The following NELL1 variants were observed in gnomAD, a reference collection of about 807,000 sequenced individuals.
The protein encoded by NELL1 is protein kinase C-binding protein NELL1.
In NELL1, 76 loss-of-function variants were observed where a neutral mutation model predicts 107.4. The observed-to-expected ratio is 0.71, with a 90% CI of 0.59 to 0.86. The LOEUF (loss-of-function observed/expected upper bound fraction) is 0.86. Ranked by LOEUF, NELL1 falls within the 40% of genes least tolerant of loss-of-function variation. The pLI is 0.00. For synonymous variants in NELL1, 353 were observed against 341.2 expected (o/e 1.03, Z -0.38); for missense variants, 1,024 against 1,005.5 (o/e 1.02, Z -0.25).
At chr11:21,559,262 T>G (rs1856795746) in intron 16 of NELL1, among the ~76,000 whole-genome samples, 1 of 152,120 alleles carries the variant, frequency 6.6e-6, no homozygotes, top group Non-Finnish European at 1.5e-5. Flanking sequence ...TATCAGTACT[T>G]CTACAAATGA....
intron 12 of NELL1, among the ~76,000 whole-genome samples, chr11:21,006,794 T>G (rs1462355438): frequency 1.3e-5 from 2 of 152,106 alleles, no homozygotes; most frequent in Non-Finnish European, 2.9e-5. Context: ...CCACTTGGTA[T>G]TACCCTTTAC....
chr11:21,045,891 C>T (rs1213515178), intron 12 of NELL1, among the ~76,000 whole-genome samples: 2 of 152,100 alleles, frequency 1.3e-5, no homozygotes, highest in African/African-American at 4.8e-5. Context: ...TTTATAATCC[C>T]CCCAACACAC....
intron 15 of NELL1, among the ~76,000 whole-genome samples, chr11:21,442,029 A>C (rs1231503412): frequency 6.6e-6 from 1 of 152,226 alleles, no homozygotes; most frequent in Non-Finnish European, 1.5e-5. Context: ...ATGTAAGTCC[A>C]CCTTTGAGTT....
intron 9 of NELL1, among the ~76,000 whole-genome samples, chr11:20,936,732 C>A (rs569744205): frequency 6.6e-6 from 1 of 152,156 alleles, no homozygotes; most frequent in Non-Finnish European, 1.5e-5. Context: ...ATGTTGCCTG[C>A]CCTTTAGTAA....
At chr11:21,458,558 T>C (rs1853809886) in intron 15 of NELL1, among the ~76,000 whole-genome samples, 1 of 152,190 alleles carries the variant, frequency 6.6e-6, no homozygotes, top group Non-Finnish European at 1.5e-5. Context: ...AGAAAGACTT[T>C]CAAATTATTG....
intron 2 of NELL1, among the ~76,000 whole-genome samples, chr11:20,732,789 G>T (rs190870491): frequency 1.3e-5 from 2 of 152,150 alleles, no homozygotes; most frequent in African/African-American, 4.8e-5. Context: ...TTAAGTACCC[G>T]GTTTTGGAGC....
At chr11:21,486,206 T>TAC (rs1402480629) in intron 15 of NELL1, among the ~76,000 whole-genome samples, 1 of 152,098 alleles carries the variant, frequency 6.6e-6, no homozygotes, top group African/African-American at 2.4e-5. Flanking sequence ...AGACTCACCA[T>TAC]ACACCACTCT....
At chr11:20,861,539 C>T (rs1462465188) in intron 4 of NELL1, among the ~76,000 whole-genome samples, 1 of 152,134 alleles carries the variant, frequency 6.6e-6, no homozygotes, top group East Asian at 1.9e-4. Context: ...AGCCAAGAGC[C>T]CCTGCCCTTG....
chr11:20,812,451 G>C (rs955357954), intron 3 of NELL1, among the ~76,000 whole-genome samples: 1 of 152,168 alleles, frequency 6.6e-6, no homozygotes, highest in Non-Finnish European at 1.5e-5. Context: ...TTCTGGCTTT[G>C]TCAGTGTAAT....
intron 12 of NELL1, among the ~76,000 whole-genome samples, chr11:21,034,217 C>A (rs1853032499): frequency 6.6e-6 from 1 of 152,114 alleles, no homozygotes; most frequent in Non-Finnish European, 1.5e-5. Context: ...TAGCTTCATT[C>A]TTCTGCCCAT....
At chr11:21,340,935 C>T (rs1850549835) in intron 14 of NELL1, among the ~76,000 whole-genome samples, 1 of 152,088 alleles carries the variant, frequency 6.6e-6, no homozygotes, top group African/African-American at 2.4e-5. Context: ...ATCAACGTAC[C>T]TATTTCTCTA....
Position 21,573,265 on chromosome 11 carries a change from T to C in NELL1, c.2238T>C (p.Cys746=), listed in dbSNP as rs553767038. ...CAGCTATCTTAGAAGGGGAATGTTGTCCCCGCTGTGTCAGTGACCCCTGCC... is the reference window on the plus strand; with the variant it reads ...CAGCTATCTTAGAAGGGGAATGTTGCCCCCGCTGTGTCAGTGACCCCTGCC... ...EYTAILEGEC[C]PRCVSDPCLA... is the part of the protein sequence containing the mutation. The change falls in exon 19 of 20, where the codon TGT becomes TGC. Residue 746 remains cysteine, a synonymous_variant. Coordinates refer to ENST00000357134, the MANE Select transcript of NELL1 (RefSeq NM_006157.5). 5.6e-6 allele frequency: 9 copies of C among 1,612,516 alleles called. No individual in the cohort carries two copies. In the African/African-American group the frequency reaches 1.1e-4, roughly 19 times the overall value.
chr11:20,774,280 T>A (rs1236681396), intron 2 of NELL1, among the ~76,000 whole-genome samples: 1 of 112,090 alleles, frequency 8.9e-6, no homozygotes, highest in Non-Finnish European at 1.9e-5. Context: ...CCTTCCTTTC[T>A]TTCCCTTCCT....
intron 13 of NELL1, among the ~76,000 whole-genome samples, chr11:21,217,947 T>G (rs983045016): frequency 6.6e-6 from 1 of 152,106 alleles, no homozygotes; most frequent in African/African-American, 2.4e-5. Context: ...AGACTTTCCA[T>G]GGACAGGAAA....
chr11:20,756,516 ATTTTTTTTT>A (rs753445309), intron 2 of NELL1, among the ~76,000 whole-genome samples: 6 of 97,322 alleles, frequency 6.2e-5, no homozygotes, highest in East Asian at 3.2e-4. Context: ...ATTTTTTGTA[ATTTTTTTTT>A]TTTTTTTTTT....
chr11:20,676,311 C>T (rs186794079), intron 1 of NELL1, among the ~76,000 whole-genome samples: 15 of 151,388 alleles, frequency 9.9e-5, no homozygotes, highest in Non-Finnish European at 1.9e-4. Flanking sequence ...TGTTTATTGC[C>T]ATCTCAGATT....
intron 15 of NELL1, among the ~76,000 whole-genome samples, chr11:21,435,862 G>C (rs1353646590): frequency 2.0e-5 from 3 of 151,834 alleles, no homozygotes; most frequent in Non-Finnish European, 4.4e-5. Flanking sequence ...TTCATAGAAT[G>C]AGTTAAGAAA....
chr11:21,406,538 T>C (rs182444767), intron 15 of NELL1, among the ~76,000 whole-genome samples: 1 of 152,150 alleles, frequency 6.6e-6, no homozygotes, highest in East Asian at 1.9e-4. Flanking sequence ...ACAGGTGATA[T>C]AATGCAGTTA....
chr11:21,355,383 G>A (rs960193906), intron 14 of NELL1, among the ~76,000 whole-genome samples: 1 of 152,140 alleles, frequency 6.6e-6, no homozygotes, highest in African/African-American at 2.4e-5. Context: ...ACTATGGGTG[G>A]GCACTATGCC....
Sources: gnomAD v4.1 joint callset for allele counts (sites outside exome capture counted in the v4.1 genomes callset) on GRCh38, gnomAD v4.1.1 for gene constraint, MANE v1.5 for transcripts, NCBI Gene and HGNC (gene_info 2026-07-23, HGNC 2026-07-21) for gene names.